The following TICAM1 variants were observed in gnomAD, a reference collection of about 807,000 sequenced individuals.
TICAM1 encodes TIR domain containing adaptor molecule 1, also known as TIR domain-containing adapter molecule 1.
For missense variants in TICAM1, 895 were observed against 938.2 expected, an observed-to-expected ratio of 0.95 and a Z score of 0.60; for synonymous variants, 439 against 415.4, an observed-to-expected ratio of 1.06 and a Z score of -0.69.
In TICAM1 at chr19:4,817,894, G is replaced by A; in HGVS notation, c.484C>T (p.Leu162=). The A allele has an allele frequency of 6.2e-7, 1 of 1,613,906 alleles. No homozygotes were observed. The highest frequency in any genetic ancestry group is 8.5e-7 in the Non-Finnish European group (1 of 1,180,002). The change falls in exon 2 of 2, where the codon CTG becomes TTG. Residue 162 remains leucine, a synonymous_variant. Transcript: ENST00000248244. This position sits in a 1 kb window ranked among gnomAD's most constrained non-coding sequence, Gnocchi z 4.7. ...GCCGAGGATGGTGGGAGGCAGCCCA[G>A]ATTGGACTGGAGCGTCCGGATGCTC... is the stretch of plus-strand genomic sequence containing the variant. ...PGSIRTLQSN[L]GCLPPSSALP...
At chr19:4,826,130 C>G (rs991927496) in intron 1 of TICAM1, among the ~76,000 whole-genome samples, 30 of 151,940 alleles carry the variant, frequency 2.0e-4, no homozygotes, top group Admixed American at 1.2e-3. Flanking sequence ...CCACTGCACT[C>G]CAGCCTGGGC....
In TICAM1 at chr19:4,817,073, C is replaced by G. The variant is rs775159579; in HGVS notation, c.1305G>C (p.Gly435=). Reference sequence around the variant, plus strand: ...CCTGCAGGCAGCTCAGCTCCCCGCGCCCCGGCACCTGGAAATCCTCGCAGA... The same window carrying G: ...CCTGCAGGCAGCTCAGCTCCCCGCGGCCCGGCACCTGGAAATCCTCGCAGA... ...ATFCEDFQVP[G]RGELSCLQDA... The change falls in exon 2 of 2, where the codon GGG becomes GGC. Residue 435 remains glycine, a synonymous_variant. Coordinates refer to ENST00000248244, the MANE Select transcript of TICAM1 (RefSeq NM_182919.4). This position sits in a 1 kb window ranked among gnomAD's most constrained non-coding sequence, Gnocchi z 4.7. The G allele has an allele frequency of 6.2e-7, 1 of 1,614,138 alleles. No homozygotes were observed. Among genetic ancestry groups the G allele is most frequent in the Non-Finnish European group, 8.5e-7 (1 of 1,180,020 alleles).
chr19:4,817,463 G>C lies in TICAM1; in HGVS notation c.915C>G (p.Thr305=), dbSNP rs565171871. Residue 305 remains threonine (T), a synonymous_variant, in exon 2 of 2, where the codon ACC becomes ACG. Coordinates refer to ENST00000248244, the MANE Select transcript of TICAM1 (RefSeq NM_182919.4). The surrounding 1 kb of genome is among the most constrained non-coding windows in gnomAD (Gnocchi z 4.7). The part of the protein sequence containing the change: ...ETSTNYPVEC[T]EGSAGPQSLP... ...GAGACTGGGGGCCTGCAGACCCCTC[G>C]GTGCACTCCACTGGGTAGTTGGTGC... 6 of 1,614,046 alleles carry C rather than the reference G, an allele frequency of 3.7e-6. No individual in the cohort carries two copies. Among genetic ancestry groups the C allele is most frequent in the Non-Finnish European group, 2.5e-6 (3 of 1,179,998 alleles).
chr19:4,817,300 G>A lies in TICAM1; in HGVS notation c.1078C>T (p.Pro360Ser). Residue 360 changes from proline (P) to serine (S), a missense_variant, in exon 2 of 2, where the codon CCT becomes TCT. Physicochemically the swap from Pro to Ser is moderately conservative, Grantham distance 74 (BLOSUM62 -1). Coordinates refer to ENST00000248244, the MANE Select transcript of TICAM1 (RefSeq NM_182919.4). The surrounding 1 kb of genome is among the most constrained non-coding windows in gnomAD (Gnocchi z 4.7). Reference sequence around the variant, plus strand: ...GAAGGAGGAGGAGGAGGAGGAGGAGGGGATGTTTCTGGGGTGGTGGGAGTA... The same window carrying A: ...GAAGGAGGAGGAGGAGGAGGAGGAGAGGATGTTTCTGGGGTGGTGGGAGTA... ...PPTPTTPETS[P>S]PPPPPPPSST... 1 of 1,613,748 alleles carries A rather than the reference G, an allele frequency of 6.2e-7. No individual in the cohort carries two copies. The highest frequency in any genetic ancestry group is 1.3e-5 in the African/African-American group (1 of 74,972).
In TICAM1 at chr19:4,818,555, G is replaced by A; in HGVS notation, c.-139-39C>T. The stretch of plus-strand genomic sequence containing the variant: ...GAGAAGCAAACACACTTACCCCCAA[G>A]AAAGGTCAGCACGGGAAGGCGGCCC... On this transcript the variant is annotated intron_variant, in intron 1 of 1. Coordinates refer to ENST00000248244, the MANE Select transcript of TICAM1 (RefSeq NM_182919.4). The surrounding 1 kb of genome is among the most constrained non-coding windows in gnomAD (Gnocchi z 4.0). The A allele has an allele frequency of 7.5e-7, 1 of 1,339,890 alleles. No homozygotes were observed. The highest frequency in any genetic ancestry group is 9.8e-7 in the Non-Finnish European group (1 of 1,023,426). The allele number at this position is 1,339,890 out of a possible 1,614,324, so 83.0% of individuals were successfully genotyped here.
Position 4,824,938 on chromosome 19 carries a change from A to T in TICAM1, c.-139-6422T>A, listed in dbSNP as rs570697740. 4.0e-5 allele frequency among the ~76,000 whole-genome samples: 6 copies of T among 151,742 alleles called. No homozygotes were observed. The South Asian group carries it at 1.2e-3, about 32-fold the overall frequency. ...ACAGAGCAAGACTCTGTCTCCAAAA[A>T]AAAATAAAATAAAATAACAGAGCCT... On this transcript the variant is annotated intron_variant, in intron 1 of 1. Coordinates refer to ENST00000248244, the MANE Select transcript of TICAM1 (RefSeq NM_182919.4).
chr19:4,816,206 G>T lies in TICAM1; in HGVS notation c.*33C>A. ...TCCTGGCCGATGCCTGGGTCCAGGG[G>T]TGTTCCCCAGGTGGTCAGGCAAGGA... On this transcript the variant is annotated 3_prime_UTR_variant, in exon 2 of 2. Transcript: ENST00000248244. This position sits in a 1 kb window ranked among gnomAD's most constrained non-coding sequence, Gnocchi z 4.3. The T allele has an allele frequency of 6.7e-7, 1 of 1,491,298 alleles. No homozygotes were observed. The highest frequency in any genetic ancestry group is 8.9e-7 in the Non-Finnish European group (1 of 1,125,974). The allele number at this position is 1,491,298 out of a possible 1,614,324, so 92.4% of individuals were successfully genotyped here.
chr19:4,825,205 G>A (rs2093603727), intron 1 of TICAM1, among the ~76,000 whole-genome samples: 1 of 151,600 alleles, frequency 6.6e-6, no homozygotes, highest in Non-Finnish European at 1.5e-5. Flanking sequence ...GCTGGAACCC[G>A]GGCGGCAGAG....
rs1319529466 is a variant in TICAM1, at chr19:4,815,935, A to G, written c.*304T>C. The G allele has an allele frequency of 3.8e-6, 1 of 261,722 alleles. No individual in the cohort carries two copies. The highest frequency in any genetic ancestry group is 7.1e-6 in the Non-Finnish European group (1 of 141,388). The allele number at this position is 261,722 out of a possible 1,614,324, so 16.2% of individuals were successfully genotyped here. On this transcript the variant is annotated 3_prime_UTR_variant, in exon 2 of 2. Coordinates refer to ENST00000248244, the MANE Select transcript of TICAM1 (RefSeq NM_182919.4). Reference sequence around the variant, plus strand: ...CAGAAGACAATGGCGCTGCGGAAGCATTCAATAAATATTTATTATAATTAA... The same window carrying G: ...CAGAAGACAATGGCGCTGCGGAAGCGTTCAATAAATATTTATTATAATTAA...
Position 4,817,433 on chromosome 19 carries a change from G to C in TICAM1, c.945C>G (p.Pro315=). 1.9e-6 allele frequency: 3 copies of C among 1,614,112 alleles called. No homozygotes were observed. The highest frequency in any genetic ancestry group is 2.5e-6 in the Non-Finnish European group (3 of 1,180,034). The change falls in exon 2 of 2, where the codon CCC becomes CCG. Residue 315 remains proline, a synonymous_variant. Coordinates refer to ENST00000248244, the MANE Select transcript of TICAM1 (RefSeq NM_182919.4). This position sits in a 1 kb window ranked among gnomAD's most constrained non-coding sequence, Gnocchi z 4.7. ...TEGSAGPQSL[P]LPILEPVKNP... is the part of the protein sequence containing the mutation. ...TTTTGACCGGCTCCAGAATAGGCAA[G>C]GGGAGAGACTGGGGGCCTGCAGACC...
Position 4,816,651 on chromosome 19 carries a change from C to G in TICAM1, c.1727G>C (p.Ser576Thr), listed in dbSNP as rs2093585916. The G allele has an allele frequency of 1.2e-6, 2 of 1,614,072 alleles. No individual in the cohort carries two copies. Among genetic ancestry groups the G allele is most frequent in the African/African-American group, 1.3e-5 (1 of 74,952 alleles). Residue 576 changes from serine (S) to threonine (T), a missense_variant, in exon 2 of 2, where the codon AGC (serine) becomes ACC (threonine). Coordinates refer to ENST00000248244, the MANE Select transcript of TICAM1 (RefSeq NM_182919.4). This position sits in a 1 kb window ranked among gnomAD's most constrained non-coding sequence, Gnocchi z 4.3. ...CATCTGTGCCTGGTAGGACAAGTAG[C>G]TCTGGAGGTAGGCTGAGTAGGCTGC... ...LNAAYSAYLQ[S>T]YLSYQAQMEQ...
Position 4,816,908 on chromosome 19 carries a change from C to T in TICAM1, c.1470G>A (p.Leu490=), listed in dbSNP as rs1382708516. 5 of 1,613,376 alleles carry T rather than the reference C, an allele frequency of 3.1e-6. No individual in the cohort carries two copies. Among genetic ancestry groups the T allele is most frequent in the Admixed American group, 1.7e-5 (1 of 59,992 alleles). Residue 490 remains leucine (L), a synonymous_variant, in exon 2 of 2, where the codon CTG becomes CTA. Coordinates refer to ENST00000248244, the MANE Select transcript of TICAM1 (RefSeq NM_182919.4). The surrounding 1 kb of genome is among the most constrained non-coding windows in gnomAD (Gnocchi z 4.3). ...GCTGGGCCGGGGAGCTCTCCAGGGG[C>T]AGGAAGGGGATGACACAGTCTGGCG... The part of the protein sequence containing the change: ...QGSPDCVIPF[L]PLESSPAQLS...
chr19:4,821,447 T>C (rs1456727970), intron 1 of TICAM1, among the ~76,000 whole-genome samples: 1 of 152,108 alleles, frequency 6.6e-6, no homozygotes. Flanking sequence ...TATATTGTGC[T>C]CCCCATCTGT....
Position 4,827,372 on chromosome 19 carries a change from CAAAAAAAAAAAAAA to C in TICAM1, c.-140+4228_-140+4241del, listed in dbSNP as rs57574607. Among the ~76,000 whole-genome samples, 8 of 54,174 alleles carry C rather than the reference CAAAAAAAAAAAAAA, an allele frequency of 1.5e-4. 1 individual carries two copies. Among genetic ancestry groups the C allele is most frequent in the South Asian group, 1.7e-3 (2 of 1,160 alleles). The allele number at this position is 54,174 out of a possible 152,430, so 35.5% of individuals were successfully genotyped here. On this transcript the variant is annotated intron_variant, in intron 1 of 1. Coordinates refer to ENST00000248244, the MANE Select transcript of TICAM1 (RefSeq NM_182919.4). ...GGCTACAAGAGTGAAACTCTGTCTC[CAAAAAAAAAAAAAA>C]AAAAAAAAAAAAAAAAAGAAAAAGG...
At position 4,816,763 on chromosome 19, in the gene TICAM1, T is replaced by C. The variant is rs376286418; in HGVS notation, c.1615A>G (p.Met539Val). ...KPHRLQARKA[M>V]WRKEQDTRAL... ...CGGGTGTCCTGTTCCTTCCTCCACA[T>C]GGCCTTTCGGGCCTGAAGCCTGTGG... The change falls in exon 2 of 2, where the codon ATG becomes GTG. Residue 539 changes from methionine (M) to valine (V), a missense_variant. Physicochemically the swap from Met to Val is conservative, Grantham distance 21. Coordinates refer to ENST00000248244, the MANE Select transcript of TICAM1 (RefSeq NM_182919.4). This position sits in a 1 kb window ranked among gnomAD's most constrained non-coding sequence, Gnocchi z 4.3. The C allele has an allele frequency of 1.6e-5, 26 of 1,613,548 alleles. No individual in the cohort carries two copies. The highest frequency in any genetic ancestry group is 2.1e-5 in the Non-Finnish European group (25 of 1,180,034).
chr19:4,829,073 G>A (rs970131364), intron 1 of TICAM1, among the ~76,000 whole-genome samples: 4 of 152,102 alleles, frequency 2.6e-5, no homozygotes, highest in African/African-American at 9.7e-5. Context: ...GACCTCAATC[G>A]ATCCGCCTGC....
chr19:4,816,298 G>T lies in TICAM1; in HGVS notation c.2080C>A (p.His694Asn), dbSNP rs745872856. Residue 694 changes from histidine (H) to asparagine (N), a missense_variant, in exon 2 of 2, where the codon CAC (histidine) becomes AAC (asparagine). By Grantham distance (68) the His-to-Asn change is moderately conservative. Transcript: ENST00000248244. The surrounding 1 kb of genome is among the most constrained non-coding windows in gnomAD (Gnocchi z 4.3). The stretch of plus-strand genomic sequence containing the variant: ...TGGGACCCTCTCTGGTTCCACATGT[G>T]GTTGTTCAGCCCCAGCTGTACCATC... ...AQMVQLGLNN[H>N]MWNQRGSQAP... The T allele has an allele frequency of 2.6e-6, 4 of 1,524,238 alleles. No homozygotes were observed. The highest frequency in any genetic ancestry group is 2.8e-5 in the African/African-American group (2 of 71,784). 94.4% of individuals were successfully genotyped at this position (1,524,238 alleles called of 1,614,324 possible).
chr19:4,830,308 G>T (rs1431629480), intron 1 of TICAM1, among the ~76,000 whole-genome samples: 1 of 152,010 alleles, frequency 6.6e-6, no homozygotes, highest in African/African-American at 2.4e-5. Context: ...AGGATCCTGG[G>T]CTCAAGCAAT....
rs376834162 is a variant in TICAM1 at position 4,830,056 on chromosome 19, C to T, written c.-140+1558G>A. ...AAACTCCTGACCTCAGGTGATCTGC[C>T]TGGGATTACAGGCGTGAGCCACCTG... is the stretch of plus-strand genomic sequence containing the variant. On this transcript the variant is annotated intron_variant, in intron 1 of 1. Transcript: ENST00000248244. Among the ~76,000 whole-genome samples the T allele has an allele frequency of 1.9e-4, 28 of 147,156 alleles. No individual in the cohort carries two copies. In the East Asian group the frequency reaches 2.4e-3, roughly 13 times the overall value.
Sources: gnomAD v4.1 joint callset for allele counts (sites outside exome capture counted in the v4.1 genomes callset) on GRCh38, gnomAD v4.1.1 for gene constraint, Gnocchi (gnomAD v3.1) non-coding constraint, MANE v1.5 for transcripts, NCBI Gene and HGNC (gene_info 2026-07-23, HGNC 2026-07-21) for gene names.